ASCC2: variants seen among roughly 807,000 people sequenced by gnomAD.
The protein encoded by ASCC2 is ASC-1 complex subunit P100.
ASCC2 carries 42 observed loss-of-function variants against 93.5 expected under a neutral mutation model. The observed-to-expected ratio is 0.45, with a 90% CI of 0.35 to 0.58. The LOEUF is 0.58. Ranked by LOEUF, ASCC2 falls within the 20% of genes least tolerant of loss-of-function variation. ASCC2 has a pLI of 0.00. For missense variants in ASCC2, 859 were observed against 977.6 expected, an observed-to-expected ratio of 0.88 and a Z score of 1.62; for synonymous variants, 364 against 384.2, an observed-to-expected ratio of 0.95 and a Z score of 0.62.
chr22:29,809,142 T>A (rs1326194822), intron 8 of ASCC2, among the ~76,000 whole-genome samples: 3 of 47,916 alleles, frequency 6.3e-5, no homozygotes, highest in South Asian at 3.2e-4. Context: ...AAAAAAAAAA[T>A]TTAACATGAA....
At chr22:29,793,225 G>A (rs1191382058) in intron 17 of ASCC2, 135 bp downstream of exon 17, 23 of 1,243,292 alleles carry the variant, frequency 1.8e-5, no homozygotes, top group South Asian at 5.5e-5. Flanking sequence ...TGGGGTGGAG[G>A]AGCACTGGAT....
intron 5 of ASCC2, among the ~76,000 whole-genome samples, chr22:29,821,165 T>TTG (rs946767742): frequency 2.6e-5 from 4 of 152,122 alleles, no homozygotes; most frequent in South Asian, 2.1e-4. Context: ...TCTTATTTTT[T>TTG]TGTGTGTGTG....
intron 15 of ASCC2, among the ~76,000 whole-genome samples, chr22:29,794,260 G>A (rs185323656): frequency 6.6e-6 from 1 of 151,752 alleles, no homozygotes; most frequent in African/African-American, 2.4e-5. Flanking sequence ...TTGGGAGGCC[G>A]AGGCGGGTGG....
intron 5 of ASCC2, among the ~76,000 whole-genome samples, chr22:29,817,635 G>A (rs933209001): frequency 2.0e-5 from 3 of 152,126 alleles, no homozygotes; most frequent in African/African-American, 7.2e-5. Flanking sequence ...TCGCACTGGG[G>A]AGGCACCCTC....
At chr22:29,822,125 G>C (rs1213477838) in intron 5 of ASCC2, 1 of 619,894 alleles carries the variant, frequency 1.6e-6, no homozygotes, top group African/African-American at 1.9e-5. Flanking sequence ...GGAACTGTCT[G>C]GTACACAGTT....
chr22:29,812,985 G>C (rs895214694), intron 8 of ASCC2, among the ~76,000 whole-genome samples: 13 of 151,888 alleles, frequency 8.6e-5, no homozygotes, highest in African/African-American at 3.1e-4. Context: ...GGGTTCAAGT[G>C]ATTCTCCTGT....
intron 13 of ASCC2, among the ~76,000 whole-genome samples, chr22:29,802,709 G>GA (rs771747255): frequency 2.2e-4 from 33 of 152,154 alleles, no homozygotes; most frequent in Non-Finnish European, 4.1e-4. Context: ...TTGGGAGGCC[G>GA]AGACGGGTGG....
rs1344346635 is a variant in ASCC2 at position 29,801,038 on chromosome 22, C to T, written c.1641G>A (p.Val547=). ...TCAGGTCTACTGAGTCCCTGCTGAA[C>T]ACATCAAACTCGTCATTCTGGAAGA... ...HNVFQNDEFD[V]FSRDSVDLSR... Residue 547 remains valine (V), a synonymous_variant, in exon 15 of 20, where the codon GTG becomes GTA. Transcript: ENST00000307790. 6.2e-7 allele frequency: 1 copy of T among 1,609,270 alleles called. No homozygotes were observed. The highest frequency in any genetic ancestry group is 1.7e-5 in the Admixed American group (1 of 59,896).
intron 5 of ASCC2, among the ~76,000 whole-genome samples, chr22:29,817,441 C>T (rs1473455092): frequency 1.3e-5 from 2 of 152,148 alleles, no homozygotes; most frequent in Non-Finnish European, 2.9e-5. Flanking sequence ...TCCCTCACAC[C>T]ATTCTCAACC....
chr22:29,792,385 C>T, intron 18 of ASCC2, 48 bp downstream of exon 18: 1 of 1,608,836 alleles, frequency 6.2e-7, no homozygotes, highest in African/African-American at 1.3e-5. Flanking sequence ...CTGATTCACC[C>T]CTCAGAACTG....
intron 13 of ASCC2, 88 bp downstream of exon 13, chr22:29,804,550 A>T: frequency 6.6e-7 from 1 of 1,507,292 alleles, no homozygotes; most frequent in Non-Finnish European, 9.0e-7. Flanking sequence ...TATAAAAGCA[A>T]AGAAGGGAGG....
chr22:29,806,173 G>C (rs1281459521), intron 12 of ASCC2, 43 bp downstream of exon 12: 1 of 1,597,076 alleles, frequency 6.3e-7, no homozygotes, highest in Non-Finnish European at 8.6e-7. Context: ...CTCTGACCTA[G>C]TCAAGCTGGG....
chr22:29,789,038 C>T lies in ASCC2; in HGVS notation c.2249G>A (p.Arg750Lys). ...TCAGGATGGGATCATGCCTTTGCTC[C>T]TCTTGCGGTCGGCCATGGTTCTCCG... ...HNRRTMADRK[R>K]SKGMIPS Residue 750 changes from arginine (R) to lysine (K), a missense_variant, in exon 20 of 20, where the codon AGG (arginine) becomes AAG (lysine). By Grantham distance (26) the Arg-to-Lys change is conservative. Coordinates refer to ENST00000307790, the MANE Select transcript of ASCC2 (RefSeq NM_032204.5). 3 of 1,614,194 alleles carry T rather than the reference C, an allele frequency of 1.9e-6. No individual in the cohort carries two copies. Among genetic ancestry groups the T allele is most frequent in the Non-Finnish European group, 2.5e-6 (3 of 1,180,030 alleles).
chr22:29,826,992 G>A (rs1324429142), intron 2 of ASCC2, among the ~76,000 whole-genome samples: 1 of 151,278 alleles, frequency 6.6e-6, no homozygotes, highest in Non-Finnish European at 1.5e-5. Context: ...CAGCTACTCG[G>A]GAGGCTGAGG....
chr22:29,825,692 T>C lies in ASCC2; in HGVS notation c.170A>G (p.Glu57Gly). 1 of 1,614,204 alleles carries C rather than the reference T, an allele frequency of 6.2e-7. No homozygotes were observed. Among genetic ancestry groups the C allele is most frequent in the Non-Finnish European group, 8.5e-7 (1 of 1,180,032 alleles). Residue 57 changes from glutamate to glycine, a missense_variant, in exon 3 of 20, where the codon GAA (glutamate) becomes GGA (glycine). Coordinates refer to ENST00000307790, the MANE Select transcript of ASCC2 (RefSeq NM_032204.5). The surrounding 1 kb of genome is among the most constrained non-coding windows in gnomAD (Gnocchi z 4.9). ...NIPALVEEYL[E>G]RATFVANDLD... Reference sequence around the variant, plus strand: ...GTCATTGGCTACGAAGGTGGCGCGTTCCAGGTACTCCTCCACTAGGGCGGG... The same window carrying C: ...GTCATTGGCTACGAAGGTGGCGCGTCCCAGGTACTCCTCCACTAGGGCGGG...
chr22:29,795,601 A>G (rs1217231667), intron 15 of ASCC2, among the ~76,000 whole-genome samples: 1 of 152,142 alleles, frequency 6.6e-6, no homozygotes, highest in Non-Finnish European at 1.5e-5. Flanking sequence ...CCACAGCTCA[A>G]GTTTCCATGT....
intron 5 of ASCC2, among the ~76,000 whole-genome samples, chr22:29,819,835 T>C (rs2061343147): frequency 6.6e-6 from 1 of 152,134 alleles, no homozygotes; most frequent in Non-Finnish European, 1.5e-5. Context: ...ATCCTCTCAA[T>C]ATGTGGTAAA....
chr22:29,827,023 G>A (rs998714925), intron 2 of ASCC2, among the ~76,000 whole-genome samples: 3 of 150,022 alleles, frequency 2.0e-5, no homozygotes, highest in Non-Finnish European at 3.0e-5. Flanking sequence ...GCGTGAACCC[G>A]GGAGGCAGAG....
At chr22:29,803,582 C>G (rs1378314919) in intron 13 of ASCC2, among the ~76,000 whole-genome samples, 1 of 152,172 alleles carries the variant, frequency 6.6e-6, no homozygotes, top group Non-Finnish European at 1.5e-5. Context: ...AGTTTACTGA[C>G]GGTGGAGGCG....
Sources: allele counts gnomAD v4.1 joint callset (sites outside exome capture counted in the v4.1 genomes callset), GRCh38; gene constraint gnomAD v4.1.1; non-coding constraint Gnocchi (gnomAD v3.1); transcripts MANE v1.5; gene names NCBI Gene and HGNC (gene_info 2026-07-23, HGNC 2026-07-21).